The following FBXO28 variants were observed in gnomAD, a reference collection of about 807,000 sequenced individuals.
The protein encoded by FBXO28 is F-box protein 28.
FBXO28 carries 8 observed loss-of-function variants against 38.1 expected under a neutral mutation model. The ratio of observed to expected loss-of-function variants is 0.21; its 90% CI spans 0.12 to 0.38. FBXO28 has a LOEUF of 0.38. Ranked by LOEUF, FBXO28 falls within the 10% of genes least tolerant of loss-of-function variation. The pLI, the probability that FBXO28 is intolerant of heterozygous loss-of-function variation, is 1.00. For missense variants in FBXO28, 345 were observed against 460.6 expected (o/e 0.75, Z 2.30); for synonymous variants, 168 against 173.8 (o/e 0.97, Z 0.26).
At chr1:224,123,590 A>G (rs1056711735) in intron 1 of FBXO28, among the ~76,000 whole-genome samples, 3 of 151,762 alleles carry the variant, frequency 2.0e-5, no homozygotes, top group African/African-American at 7.3e-5. Flanking sequence ...TTTTTTTCCC[A>G]GAAAAGTTTT....
chr1:224,120,363 A>G (rs114077198), intron 1 of FBXO28, among the ~76,000 whole-genome samples: 2,191 of 152,302 alleles, frequency 0.014, 32 homozygotes, highest in African/African-American at 0.03. Context: ...ACCTCATTCT[A>G]TAATTCTTCT....
chr1:224,122,610 C>T (rs1357551660), intron 1 of FBXO28, among the ~76,000 whole-genome samples: 8 of 151,664 alleles, frequency 5.3e-5, no homozygotes. Flanking sequence ...TTTTACAGCC[C>T]CCCCCAAGCC....
intron 2 of FBXO28, among the ~76,000 whole-genome samples, chr1:224,131,846 A>G (rs1657055727): frequency 6.6e-6 from 1 of 152,220 alleles, no homozygotes; most frequent in Admixed American, 6.5e-5. Flanking sequence ...GGCTCAAAAG[A>G]CACCGTTAAG....
At chr1:224,132,681 T>C (rs1657081102) in intron 2 of FBXO28, among the ~76,000 whole-genome samples, 1 of 151,846 alleles carries the variant, frequency 6.6e-6, no homozygotes, top group African/African-American at 2.4e-5. Flanking sequence ...GTCGGGTGCC[T>C]ATAATCCCAG....
Position 224,116,546 on chromosome 1 carries a change from G to C in FBXO28, c.267+2150G>C, listed in dbSNP as rs192286463. Among the ~76,000 whole-genome samples the C allele has an allele frequency of 2.6e-5, 4 of 152,294 alleles. No homozygotes were observed. The East Asian group carries it at 7.7e-4, about 29-fold the overall frequency. ...TAAGGCTGGATATGCTTTGAAGGGG[G>C]TAATATTAAGAACAGAATTAGTTTT... On this transcript the variant is annotated intron_variant, in intron 1 of 4. Transcript: ENST00000366862.
intron 1 of FBXO28, among the ~76,000 whole-genome samples, chr1:224,124,284 T>C (rs531870783): frequency 6.6e-6 from 1 of 152,354 alleles, no homozygotes; most frequent in East Asian, 1.9e-4. Context: ...TCTCTTACAG[T>C]AGAACAGTGA....
intron 1 of FBXO28, among the ~76,000 whole-genome samples, chr1:224,124,174 T>A (rs562648721): frequency 6.6e-6 from 1 of 152,300 alleles, no homozygotes; most frequent in South Asian, 2.1e-4. Context: ...ATGTATAGCC[T>A]ATGTGTCTTG....
intron 3 of FBXO28, among the ~76,000 whole-genome samples, chr1:224,143,715 A>G (rs547582699): frequency 6.6e-6 from 1 of 152,146 alleles, no homozygotes; most frequent in East Asian, 1.9e-4. Flanking sequence ...GGGCACCTGT[A>G]GTCCCAGCTA....
chr1:224,147,035 T>C lies in FBXO28; in HGVS notation c.517-6107T>C, dbSNP rs1163647743. On this transcript the variant is annotated intron_variant, in intron 3 of 4. Coordinates refer to ENST00000366862, the MANE Select transcript of FBXO28 (RefSeq NM_015176.4). ...ATATTTTTTATAACCTGTAGTCAGC[T>C]CTGTATTCGTGGGTTCCACATTCAT... Among the ~76,000 whole-genome samples, 4 of 151,922 alleles carry C rather than the reference T, an allele frequency of 2.6e-5. No homozygotes were observed. The East Asian group carries it at 7.7e-4, about 29-fold the overall frequency.
intron 1 of FBXO28, among the ~76,000 whole-genome samples, chr1:224,129,749 G>C (rs968432076): frequency 9.9e-5 from 15 of 152,272 alleles, no homozygotes; most frequent in East Asian, 3.9e-4. Flanking sequence ...CAGCACTTTG[G>C]GAGGCCGAGG....
intron 1 of FBXO28, among the ~76,000 whole-genome samples, chr1:224,126,407 A>G (rs1656904626): frequency 6.6e-6 from 1 of 152,210 alleles, no homozygotes; most frequent in African/African-American, 2.4e-5. Flanking sequence ...TTCTTCTCAG[A>G]AATTATCAAC....
intron 3 of FBXO28, among the ~76,000 whole-genome samples, chr1:224,135,611 C>CAAAAAA (rs71168313): frequency 7.4e-4 from 82 of 110,704 alleles, no homozygotes; most frequent in Middle Eastern, 5.7e-3. Context: ...GACTCTGTCT[C>CAAAAAA]AAAAAAAAAA....
In FBXO28 at chr1:224,143,493, G is replaced by A. The variant is rs1304214553; in HGVS notation, c.516+9281G>A. Among the ~76,000 whole-genome samples, 4 of 152,100 alleles carry A rather than the reference G, an allele frequency of 2.6e-5. No homozygotes were observed. The East Asian group carries it at 7.7e-4, about 29-fold the overall frequency. On this transcript the variant is annotated intron_variant, in intron 3 of 4. Coordinates refer to ENST00000366862, the MANE Select transcript of FBXO28 (RefSeq NM_015176.4). ...CCCTGAGCTGCTAGGATGGGCTCCAGCCACCTGCAACCCTGAACTAGAATA... is the reference window on the plus strand; with the variant it reads ...CCCTGAGCTGCTAGGATGGGCTCCAACCACCTGCAACCCTGAACTAGAATA...
intron 3 of FBXO28, among the ~76,000 whole-genome samples, chr1:224,137,346 A>G (rs1488453509): frequency 1.3e-5 from 2 of 151,470 alleles, no homozygotes; most frequent in African/African-American, 4.9e-5. Flanking sequence ...AACATGGTGA[A>G]ACCCCATCTC....
intron 4 of FBXO28, among the ~76,000 whole-genome samples, chr1:224,155,406 C>G (rs1045373232): frequency 1.3e-5 from 2 of 152,096 alleles, no homozygotes; most frequent in Non-Finnish European, 2.9e-5. Context: ...ACCTCGTGAT[C>G]CACCTGCCTC....
chr1:224,124,844 C>T (rs1656867964), intron 1 of FBXO28, among the ~76,000 whole-genome samples: 1 of 152,166 alleles, frequency 6.6e-6, no homozygotes, highest in Non-Finnish European at 1.5e-5. Flanking sequence ...CCTCCTGCCT[C>T]AGCCTCCCAA....
At chr1:224,145,318 A>G (rs1657475198) in intron 3 of FBXO28, among the ~76,000 whole-genome samples, 1 of 146,648 alleles carries the variant, frequency 6.8e-6, no homozygotes, top group South Asian at 2.1e-4. Context: ...AAAAAAAGGA[A>G]GTGTTTTAGG....
At position 224,160,688 on chromosome 1, in the gene FBXO28, G is replaced by T. The variant is rs946247799; in HGVS notation, c.*2942G>T. 2 of 152,094 alleles carry T rather than the reference G, an allele frequency of 1.3e-5. No individual in the cohort carries two copies. Among genetic ancestry groups the T allele is most frequent in the Admixed American group, 6.6e-5 (1 of 15,256 alleles). The allele number at this position is 152,094 out of a possible 1,614,324, so 9.4% of individuals were successfully genotyped here. A position where few individuals can be genotyped will look rare whatever the true frequency, so the allele number is the denominator to read the frequency against. The stretch of plus-strand genomic sequence containing the variant: ...TTAAAATAGTTTTAAAGACTATTGG[G>T]GTACCATCAGGTCAAAAGCCACTGA... On this transcript the variant is annotated 3_prime_UTR_variant, in exon 5 of 5. Transcript: ENST00000366862.
chr1:224,152,925 C>T (rs1657679735), intron 3 of FBXO28, among the ~76,000 whole-genome samples: 1 of 64,890 alleles, frequency 1.5e-5, no homozygotes, highest in Non-Finnish European at 2.8e-5. Context: ...AACTCTGTCT[C>T]AAAAAAAAAA....
Sources: allele counts gnomAD v4.1 joint callset (sites outside exome capture counted in the v4.1 genomes callset), GRCh38; gene constraint gnomAD v4.1.1; transcripts MANE v1.5; gene names NCBI Gene and HGNC (gene_info 2026-07-23, HGNC 2026-07-21).